Variants in CALN1 observed in about 807,000 individuals in gnomAD.
CALN1 encodes the protein calcium-binding protein 8.
CALN1 carries 17 observed loss-of-function variants against 30.6 expected under a neutral mutation model. That is an observed-to-expected ratio of 0.56 (90% CI 0.38 to 0.83). The LOEUF (loss-of-function observed/expected upper bound fraction) is 0.83. Ranked by LOEUF, CALN1 falls within the 40% of genes least tolerant of loss-of-function variation. The pLI, the probability that CALN1 is intolerant of heterozygous loss-of-function variation, is 0.00. For missense variants in CALN1, 291 were observed against 354.9 expected (o/e 0.82, Z 1.45); for synonymous variants, 156 against 131.4 (o/e 1.19, Z -1.28).
At chr7:71,971,218 G>C (rs1373558537) in intron 5 of CALN1, among the ~76,000 whole-genome samples, 3 of 152,214 alleles carry the variant, frequency 2.0e-5, no homozygotes, top group Admixed American at 6.5e-5. Flanking sequence ...GGAGGCCAAG[G>C]CGGGCAAATC....
intron 3 of CALN1, among the ~76,000 whole-genome samples, chr7:72,184,262 C>G (rs1272102859): frequency 1.3e-5 from 2 of 152,198 alleles, no homozygotes; most frequent in Non-Finnish European, 2.9e-5. Flanking sequence ...TGGACCCGGA[C>G]AGCCTAAGTT....
intron 5 of CALN1, among the ~76,000 whole-genome samples, chr7:71,977,610 G>C (rs928650529): frequency 7.2e-5 from 11 of 151,976 alleles, no homozygotes; most frequent in African/African-American, 2.7e-4. Context: ...GTTTACCTGA[G>C]ACACATGTCT....
At chr7:72,228,270 T>G (rs765817994) in intron 3 of CALN1, among the ~76,000 whole-genome samples, 3 of 151,712 alleles carry the variant, frequency 2.0e-5, no homozygotes, top group Non-Finnish European at 4.4e-5. Flanking sequence ...TTCCCTTCAC[T>G]CAACATTCTG....
At position 72,094,896 on chromosome 7, in the gene CALN1, A is replaced by G. The variant is rs146531092; in HGVS notation, c.388+11255T>C. Among the ~76,000 whole-genome samples, 98 of 152,312 alleles carry G rather than the reference A, an allele frequency of 6.4e-4. 2 individuals carry two copies. The East Asian group carries it at 0.018, about 29-fold the overall frequency. On this transcript the variant is annotated intron_variant, in intron 4 of 6. Transcript: ENST00000395275. The stretch of plus-strand genomic sequence containing the variant: ...AGGGTCTTTCGCCCAACCAAAGGTA[A>G]CCTCATGAGAACCCCATGTTTCTAG...
At chr7:72,084,221 A>T (rs933005157) in intron 4 of CALN1, among the ~76,000 whole-genome samples, 10 of 152,086 alleles carry the variant, frequency 6.6e-5, no homozygotes, top group African/African-American at 2.4e-4. Context: ...AAAGCAAAAC[A>T]AAACAAAACA....
At chr7:72,050,627 C>T (rs1802774279) in intron 4 of CALN1, among the ~76,000 whole-genome samples, 1 of 152,104 alleles carries the variant, frequency 6.6e-6, no homozygotes, top group Non-Finnish European at 1.5e-5. Context: ...AAGAAAATGA[C>T]AGTGAGAAAA....
intron 2 of CALN1, among the ~76,000 whole-genome samples, chr7:72,370,946 G>A (rs1804203408): frequency 6.6e-6 from 1 of 151,338 alleles, no homozygotes; most frequent in African/African-American, 2.4e-5. Flanking sequence ...CACTTGAGAG[G>A]CTGAGGCATG....
At chr7:72,491,045 C>A in the CALN1 span, among the ~76,000 whole-genome samples, 3 of 151,792 alleles carry the variant, frequency 2.0e-5, no homozygotes, top group Non-Finnish European at 4.4e-5. Context: ...GAGATCGAGA[C>A]CATCCTGGAT....
intron 5 of CALN1, among the ~76,000 whole-genome samples, chr7:71,845,603 C>A (rs1421126383): frequency 6.6e-6 from 1 of 152,176 alleles, no homozygotes; most frequent in Non-Finnish European, 1.5e-5. Context: ...TAGCCCTGAA[C>A]CCTAATGCAG....
At chr7:72,501,940 T>TATATATACACACATATATATATATAA in the CALN1 span, among the ~76,000 whole-genome samples, 1 of 83,944 alleles carries the variant, frequency 1.2e-5, no homozygotes, top group Non-Finnish European at 2.2e-5. Flanking sequence ...TATATATATA[T>TATATATACACACATATATATATATAA]ATATATATAC....
rs560580416 is a variant in CALN1 at position 72,343,315 on chromosome 7, C to T, written c.119+59936G>A. On this transcript the variant is annotated intron_variant, in intron 2 of 6. Coordinates refer to ENST00000395275, the MANE Select transcript of CALN1 (RefSeq NM_031468.4). ...GCTCACGCCTGTAATCCCAGGCCGACGCGGGTGGATCACTTGAGGTCAGGA... is the reference window on the plus strand; with the variant it reads ...GCTCACGCCTGTAATCCCAGGCCGATGCGGGTGGATCACTTGAGGTCAGGA... Among the ~76,000 whole-genome samples the T allele has an allele frequency of 2.6e-5, 4 of 152,174 alleles. No homozygotes were observed. The East Asian group carries it at 5.8e-4, about 22-fold the overall frequency.
At chr7:72,140,329 GAGAAGGAAGGAAGGGA>G (rs1809817853) in intron 3 of CALN1, among the ~76,000 whole-genome samples, 1 of 105,002 alleles carries the variant, frequency 9.5e-6, no homozygotes, top group Non-Finnish European at 1.9e-5. Context: ...CAGAGAAAGG[GAGAAGGAAGGAAGGGA>G]GGGAGGGAGG....
intron 6 of CALN1, among the ~76,000 whole-genome samples, chr7:71,807,416 C>G (rs1787684491): frequency 6.6e-6 from 1 of 152,140 alleles, no homozygotes. Context: ...TAAATATATT[C>G]ACCCATCACT....
chr7:72,493,945 T>G, the CALN1 span, among the ~76,000 whole-genome samples: 2 of 152,172 alleles, frequency 1.3e-5, no homozygotes, highest in Non-Finnish European at 1.5e-5. Flanking sequence ...AATAACACAC[T>G]TTGGAAGACT....
chr7:72,381,692 G>A (rs534546734), intron 2 of CALN1, among the ~76,000 whole-genome samples: 1 of 152,252 alleles, frequency 6.6e-6, no homozygotes, highest in Non-Finnish European at 1.5e-5. Flanking sequence ...ACACACTGGG[G>A]CCTGTCAGGG....
intron 3 of CALN1, among the ~76,000 whole-genome samples, chr7:72,172,304 A>G (rs943508761): frequency 6.6e-6 from 1 of 152,198 alleles, no homozygotes; most frequent in African/African-American, 2.4e-5. Flanking sequence ...TGAGATGTCT[A>G]CCAGGGAGTG....
chr7:72,156,363 A>AAGAGCCCCCTGTATCTTC (rs1307114339), intron 3 of CALN1, among the ~76,000 whole-genome samples: 2 of 152,202 alleles, frequency 1.3e-5, no homozygotes, highest in African/African-American at 4.8e-5. Context: ...GAATGCTGTG[A>AAGAGCCCCCTGTATCTTC]AGAGCCCCCT....
chr7:71,828,820 C>T (rs1789089875), intron 5 of CALN1, among the ~76,000 whole-genome samples: 1 of 151,694 alleles, frequency 6.6e-6, no homozygotes, highest in African/African-American at 2.4e-5. Context: ...ATGATCTTGA[C>T]TCATGGCAAC....
chr7:71,953,833 T>C (rs545235635), intron 5 of CALN1, among the ~76,000 whole-genome samples: 13 of 151,932 alleles, frequency 8.6e-5, no homozygotes, highest in Non-Finnish European at 1.3e-4. Context: ...CAGGGGAACA[T>C]AGGAGGCACC....
Sources: gnomAD v4.1 joint callset for allele counts (sites outside exome capture counted in the v4.1 genomes callset) on GRCh38, gnomAD v4.1.1 for gene constraint, MANE v1.5 for transcripts, NCBI Gene and HGNC (gene_info 2026-07-23, HGNC 2026-07-21) for gene names.